Variants in PAK4 observed in about 807,000 individuals in gnomAD.
The protein encoded by PAK4 is serine/threonine-protein kinase PAK 4.
Under a neutral mutation model 53.5 loss-of-function variants are expected in PAK4, and 49 were observed. The observed-to-expected ratio is 0.92, with a 90% CI of 0.73 to 1.16. PAK4 has a LOEUF of 1.16. Among genes scored for constraint, PAK4 ranks in the 50% most tolerant of loss-of-function variants. The pLI is 0.00. For missense variants in PAK4, 824 were observed against 850.7 expected, an observed-to-expected ratio of 0.97 and a Z score of 0.39; for synonymous variants, 376 against 375.6, an observed-to-expected ratio of 1.00 and a Z score of -0.01.
chr19:39,172,813 C>T (rs755148691), intron 2 of PAK4, 105 bp from the exon 4 acceptor site: 6 of 966,592 alleles, frequency 6.2e-6, no homozygotes, highest in Non-Finnish European at 9.2e-6. Context: ...GCGTCTCTGT[C>T]TTGTCTCTGT....
At chr19:39,133,887 C>A (rs145499838) in intron 1 of PAK4, among the ~76,000 whole-genome samples, 131 of 152,322 alleles carry the variant, frequency 8.6e-4, no homozygotes, top group African/African-American at 2.9e-3. Context: ...TGCCAGCCCC[C>A]CTCCCCTTCC....
At chr19:39,176,510 G>A (rs2074607710) in intron 6 of PAK4, 80 bp from the exon 8 acceptor site, 1 of 1,585,102 alleles carries the variant, frequency 6.3e-7, no homozygotes, top group African/African-American at 1.3e-5. Context: ...CTGAAGCCAA[G>A]GAATGACGCA....
chr19:39,162,858 G>A (rs1374341909), intron 1 of PAK4, among the ~76,000 whole-genome samples: 1 of 152,126 alleles, frequency 6.6e-6, no homozygotes, highest in Non-Finnish European at 1.5e-5. Context: ...CTTGTGGGTG[G>A]AGTAGGTGTT....
At chr19:39,144,096 G>GTAGATAGA (rs74176490) in intron 1 of PAK4, among the ~76,000 whole-genome samples, 1,881 of 148,158 alleles carry the variant, frequency 0.013, 24 homozygotes, top group African/African-American at 0.028. Context: ...CCTATCTCAG[G>GTAGATAGA]TAGATAGATA....
chr19:39,131,058 A>G (rs1435172519), intron 1 of PAK4, among the ~76,000 whole-genome samples: 2 of 152,060 alleles, frequency 1.3e-5, no homozygotes, highest in African/African-American at 4.8e-5. Flanking sequence ...AGTAGGTGCT[A>G]GTATCATCCT....
Position 39,178,294 on chromosome 19 carries a change from A to G in PAK4, c.1621-130A>G, listed in dbSNP as rs2074650033. On this transcript the variant is annotated intron_variant, in intron 8 of 8. Transcript: ENST00000358301. This position sits in a 1 kb window ranked among gnomAD's most constrained non-coding sequence, Gnocchi z 4.4. ...TCTACACCCCAAGATCTAGACACCCATGACCTCCGCCCCCTGCCCTCCTGC... is the reference window on the plus strand; with the variant it reads ...TCTACACCCCAAGATCTAGACACCCGTGACCTCCGCCCCCTGCCCTCCTGC... 15 of 900,642 alleles carry G rather than the reference A, an allele frequency of 1.7e-5. No individual in the cohort carries two copies. The East Asian group carries it at 3.6e-4, about 22-fold the overall frequency. The allele number at this position is 900,642 out of a possible 1,614,324, so 55.8% of individuals were successfully genotyped here.
intron 1 of PAK4, among the ~76,000 whole-genome samples, chr19:39,137,447 C>T (rs2073836069): frequency 6.6e-6 from 1 of 152,180 alleles, no homozygotes; most frequent in African/African-American, 2.4e-5. Context: ...CTGGGCCTCC[C>T]TGAAATCCCA....
intron 1 of PAK4, among the ~76,000 whole-genome samples, chr19:39,149,776 A>G (rs2074063717): frequency 6.6e-6 from 1 of 152,198 alleles, no homozygotes; most frequent in East Asian, 1.9e-4. Flanking sequence ...GAATGGCTAG[A>G]ACCCGGGAGG....
chr19:39,171,568 A>AAGGCCCGGCTTCAGGCAGAC (rs1235456559), intron 2 of PAK4, among the ~76,000 whole-genome samples: 1 of 152,210 alleles, frequency 6.6e-6, no homozygotes, highest in Non-Finnish European at 1.5e-5. Flanking sequence ...GCCCCTGGGC[A>AAGGCCCGGCTTCAGGCAGAC]AGGCCCGGCT....
At chr19:39,169,808 G>T in intron 2 of PAK4, 51 bp downstream of exon 3, 1 of 1,363,716 alleles carries the variant, frequency 7.3e-7, no homozygotes, top group South Asian at 1.3e-5. Context: ...CCCCCGAGTG[G>T]CCCTGGCCCT....
At position 39,178,609 on chromosome 19, in the gene PAK4, G is replaced by GC. The variant is rs773498933; in HGVS notation, c.*36dup. 6.5e-6 allele frequency: 10 copies of GC among 1,544,234 alleles called. No homozygotes were observed. Among genetic ancestry groups the GC allele is most frequent in the South Asian group, 1.2e-5 (1 of 82,662 alleles). On this transcript the variant is annotated 3_prime_UTR_variant, in exon 9 of 9. Coordinates refer to ENST00000358301, the Ensembl canonical transcript of PAK4. The surrounding 1 kb of genome is among the most constrained non-coding windows in gnomAD (Gnocchi z 4.4). ...CAGCGCCCTTCCCCTCAACCAAAGA[G>GC]CCCCCCGGGTCACCCCCGCCCCACT...
chr19:39,163,753 C>T (rs2074322772), intron 1 of PAK4, among the ~76,000 whole-genome samples: 2 of 152,238 alleles, frequency 1.3e-5, no homozygotes, highest in Non-Finnish European at 2.9e-5. Flanking sequence ...CTGCACCTTC[C>T]TGCTGCTCTG....
intron 1 of PAK4, chr19:39,135,030 A>G (rs925460642): frequency 1.3e-5 from 2 of 152,266 alleles, no homozygotes; most frequent in Non-Finnish European, 2.9e-5. Context: ...AGCCCAGGGC[A>G]GAGGGTGGGG....
rs556791292 is a variant in PAK4 at position 39,161,663 on chromosome 19, C to A, written c.-22-7869C>A. ...CTCAGAGACCCCTGCAACTCCGTCT[C>A]ACTCGGGAAAGGACCAGGCCCTCCC... On this transcript the variant is annotated intron_variant, in intron 1 of 8. Transcript: ENST00000358301. The surrounding 1 kb of genome is among the most constrained non-coding windows in gnomAD (Gnocchi z 4.5). Among the ~76,000 whole-genome samples the A allele has an allele frequency of 2.0e-4, 31 of 152,130 alleles. No homozygotes were observed. The highest frequency in any genetic ancestry group is 4.2e-4 in the South Asian group (2 of 4,804).
chr19:39,126,528 A>C (rs1212195045), intron 1 of PAK4, among the ~76,000 whole-genome samples: 1 of 149,042 alleles, frequency 6.7e-6, no homozygotes, highest in Non-Finnish European at 1.5e-5. Flanking sequence ...AATGGCAAAC[A>C]CTCATGAAAC....
At chr19:39,158,683 A>G (rs1311581642) in intron 1 of PAK4, among the ~76,000 whole-genome samples, 1 of 152,128 alleles carries the variant, frequency 6.6e-6, no homozygotes, top group East Asian at 1.9e-4. Flanking sequence ...GCCTGGGCCT[A>G]GCTGGGTAAA....
chr19:39,153,170 C>T (rs975147219), intron 1 of PAK4, among the ~76,000 whole-genome samples: 2 of 152,006 alleles, frequency 1.3e-5, no homozygotes, highest in African/African-American at 2.4e-5. Context: ...ATGTAGCCAC[C>T]CCTCCAGGTG....
At chr19:39,174,032 C>G in intron 4 of PAK4, 22 bp downstream of exon 5, 1 of 1,496,254 alleles carries the variant, frequency 6.7e-7, no homozygotes, top group South Asian at 1.2e-5. Flanking sequence ...GCTGCCCTGC[C>G]GCCCTGCTGG....
intron 1 of PAK4, among the ~76,000 whole-genome samples, chr19:39,135,950 A>G (rs866587260): frequency 2.0e-5 from 3 of 150,796 alleles, no homozygotes; most frequent in African/African-American, 4.9e-5. Context: ...CTACATGACA[A>G]TGTAACCTGG....
Sources: allele counts gnomAD v4.1 joint callset (sites outside exome capture counted in the v4.1 genomes callset), GRCh38; gene constraint gnomAD v4.1.1; non-coding constraint Gnocchi (gnomAD v3.1); transcripts MANE v1.5; gene names NCBI Gene and HGNC (gene_info 2026-07-23, HGNC 2026-07-21).